The following LEKR1 variants were observed in gnomAD, a reference collection of about 807,000 sequenced individuals.
LEKR1 encodes leucine, glutamate and lysine rich 1, also known as protein LEKR1.
A neutral mutation model predicts 72.4 loss-of-function variants in LEKR1; 59 were observed. That is an observed-to-expected ratio of 0.82 (90% confidence interval 0.66 to 1.01). The LOEUF (loss-of-function observed/expected upper bound fraction) is 1.01. LEKR1 is among the 50% of genes least tolerant of loss of function. The pLI, the probability that LEKR1 is intolerant of heterozygous loss-of-function variation, is 0.00. For synonymous variants in LEKR1, 257 were observed against 263.2 expected (o/e 0.98, Z 0.23); for missense variants, 728 against 759.2 (o/e 0.96, Z 0.48).
At chr3:156,997,057 C>T (rs1247300580) in intron 9 of LEKR1, among the ~76,000 whole-genome samples, 1 of 143,624 alleles carries the variant, frequency 7.0e-6, no homozygotes, top group African/African-American at 2.7e-5. Flanking sequence ...AAGAGCAAAA[C>T]TTCATTTAAA....
intron 10 of LEKR1, 97 bp downstream of exon 10, chr3:157,011,603 T>G (rs1159767986): frequency 2.5e-6 from 2 of 808,948 alleles, no homozygotes; most frequent in Admixed American, 2.1e-5. Context: ...TTTATTTGCT[T>G]CTATGCACAC....
At chr3:157,035,648 C>G (rs1043094516) in intron 12 of LEKR1, among the ~76,000 whole-genome samples, 11 of 152,122 alleles carry the variant, frequency 7.2e-5, no homozygotes, top group Non-Finnish European at 1.3e-4. Flanking sequence ...CCTGTAATCT[C>G]AGCACTTTGG....
chr3:156,896,912 C>T (rs960071214), intron 3 of LEKR1, among the ~76,000 whole-genome samples: 12 of 152,112 alleles, frequency 7.9e-5, no homozygotes, highest in Admixed American at 2.6e-4. Flanking sequence ...ATGGATGGAG[C>T]TGGAGGCCAT....
intron 6 of LEKR1, among the ~76,000 whole-genome samples, chr3:156,961,493 C>T (rs1242037477): frequency 6.6e-6 from 1 of 152,206 alleles, no homozygotes. Flanking sequence ...ACTTACCTAT[C>T]CTGGACATTT....
At chr3:156,941,377 G>A (rs1726185437) in intron 5 of LEKR1, among the ~76,000 whole-genome samples, 2 of 151,828 alleles carry the variant, frequency 1.3e-5, no homozygotes, top group Non-Finnish European at 2.9e-5. Context: ...TCCTCATCAC[G>A]ATCCCTTAAA....
At chr3:156,980,867 C>T (rs1334038899) in intron 7 of LEKR1, among the ~76,000 whole-genome samples, 1 of 152,182 alleles carries the variant, frequency 6.6e-6, no homozygotes, top group East Asian at 1.9e-4. Context: ...CTGGTAGTGA[C>T]ATGAATTGAT....
chr3:156,905,003 G>T (rs1169713389), intron 3 of LEKR1, among the ~76,000 whole-genome samples: 1 of 152,112 alleles, frequency 6.6e-6, no homozygotes, highest in East Asian at 1.9e-4. Flanking sequence ...TTAATTAAAT[G>T]AGGTTAATTT....
At chr3:156,969,215 A>G (rs1158795191) in intron 6 of LEKR1, among the ~76,000 whole-genome samples, 2 of 152,208 alleles carry the variant, frequency 1.3e-5, no homozygotes, top group African/African-American at 4.8e-5. Flanking sequence ...CAATTAAAAG[A>G]ACTAGAGAAG....
At chr3:156,960,278 T>TTTGG (rs1323961186) in intron 6 of LEKR1, among the ~76,000 whole-genome samples, 7 of 152,118 alleles carry the variant, frequency 4.6e-5, no homozygotes, top group Non-Finnish European at 8.8e-5. Context: ...ATGATTTTTG[T>TTTGG]TTGGTTGGTT....
At chr3:156,936,426 A>AACACAC (rs561039357) in intron 5 of LEKR1, among the ~76,000 whole-genome samples, 23 of 76,894 alleles carry the variant, frequency 3.0e-4, no homozygotes, top group African/African-American at 1.5e-3. Context: ...GTACAATGAG[A>AACACAC]ACACACACAC....
chr3:156,828,909 CT>C (rs946190347), intron 1 of LEKR1, among the ~76,000 whole-genome samples: 17 of 152,234 alleles, frequency 1.1e-4, no homozygotes, highest in African/African-American at 3.9e-4. Flanking sequence ...TATTTTCATA[CT>C]TTTTCTAGCA....
chr3:156,974,362 G>A (rs1729509294), intron 6 of LEKR1, among the ~76,000 whole-genome samples: 1 of 152,152 alleles, frequency 6.6e-6, no homozygotes, highest in Non-Finnish European at 1.5e-5. Flanking sequence ...ATGCAGGTTA[G>A]AAGGTATACA....
intron 6 of LEKR1, among the ~76,000 whole-genome samples, chr3:156,948,354 C>T (rs752945136): frequency 1.1e-4 from 17 of 150,962 alleles, no homozygotes; most frequent in Non-Finnish European, 2.1e-4. Flanking sequence ...TGTTTTATAT[C>T]CATGCACCTC....
intron 3 of LEKR1, among the ~76,000 whole-genome samples, chr3:156,881,267 A>G (rs1719302395): frequency 6.6e-6 from 1 of 152,026 alleles, no homozygotes; most frequent in Non-Finnish European, 1.5e-5. Context: ...TCTCAGCCCA[A>G]AATCTCCTTA....
chr3:157,006,670 G>A (rs1055406213), intron 9 of LEKR1, among the ~76,000 whole-genome samples: 1 of 152,106 alleles, frequency 6.6e-6, no homozygotes, highest in African/African-American at 2.4e-5. Flanking sequence ...CTACTACTCA[G>A]CAATAAAATG....
intron 12 of LEKR1, among the ~76,000 whole-genome samples, chr3:157,030,797 A>C (rs1192668896): frequency 1.3e-5 from 2 of 152,082 alleles, no homozygotes; most frequent in Non-Finnish European, 2.9e-5. Flanking sequence ...TTTCAGGCTT[A>C]CTTATATGGT....
chr3:156,936,496 A>AAGAT (rs1296477037), intron 5 of LEKR1, among the ~76,000 whole-genome samples: 1 of 151,022 alleles, frequency 6.6e-6, no homozygotes, highest in East Asian at 1.9e-4. Context: ...ATAAGGAAGC[A>AAGAT]AGATATGTTA....
intron 3 of LEKR1, among the ~76,000 whole-genome samples, chr3:156,883,362 G>A (rs887031830): frequency 6.6e-6 from 1 of 152,186 alleles, no homozygotes; most frequent in African/African-American, 2.4e-5. Flanking sequence ...GACTTACCCT[G>A]TCTCAGATGA....
At chr3:156,955,493 GCT>G (rs1727543074) in intron 6 of LEKR1, among the ~76,000 whole-genome samples, 2 of 151,900 alleles carry the variant, frequency 1.3e-5, no homozygotes. Flanking sequence ...GTCATATATG[GCT>G]CTTATTATTT....
Sources: gnomAD v4.1 joint callset for allele counts (sites outside exome capture counted in the v4.1 genomes callset) on GRCh38, gnomAD v4.1.1 for gene constraint, MANE v1.5 for transcripts, NCBI Gene and HGNC (gene_info 2026-07-23, HGNC 2026-07-21) for gene names.